THAP1: variants seen among roughly 807,000 people sequenced by gnomAD.
The protein encoded by THAP1 is THAP domain containing 1.
In THAP1, 6 loss-of-function variants were observed where a neutral mutation model predicts 18.2. That is an observed-to-expected ratio of 0.33 (90% CI 0.18 to 0.65). THAP1 has a LOEUF of 0.65. Ranked by LOEUF, THAP1 falls within the 30% of genes least tolerant of loss-of-function variation. THAP1 has a pLI of 0.74. For missense variants in THAP1, 176 were observed against 253.0 expected, an observed-to-expected ratio of 0.70 and a Z score of 2.06; for synonymous variants, 85 against 90.5, an observed-to-expected ratio of 0.94 and a Z score of 0.34.
intron 1 of THAP1, 88 bp from the exon 2 acceptor site, chr8:42,839,469 A>G (rs1802676482): frequency 1.6e-6 from 2 of 1,283,466 alleles, no homozygotes; most frequent in South Asian, 1.2e-5. Flanking sequence ...AATATCTTAC[A>G]TTGGTATTAA....
At chr8:42,839,909 A>G (rs1319820765) in intron 1 of THAP1, among the ~76,000 whole-genome samples, 2 of 152,178 alleles carry the variant, frequency 1.3e-5, no homozygotes, top group Admixed American at 1.3e-4. Context: ...AATACATACT[A>G]TAGAGTAAAT....
At position 42,843,299 on chromosome 8, in the gene THAP1, C is replaced by T. The variant is rs1377623394; in HGVS notation, c.-205G>A. On this transcript the variant is annotated 5_prime_UTR_variant, in exon 1 of 3. An upstream start codon of the reference 5' UTR is lost. Transcript: ENST00000254250. The stretch of plus-strand genomic sequence containing the variant: ...AGGACCACAGCCATCGCCCGTCTCC[C>T]ATCTCCAAGATGGCGGAGGCAGCTT... The T allele has an allele frequency of 7.8e-6, 5 of 639,242 alleles. No individual in the cohort carries two copies. The highest frequency in any genetic ancestry group is 1.1e-5 in the Non-Finnish European group (4 of 354,588). The allele number at this position is 639,242 out of a possible 1,614,324, so 39.6% of individuals were successfully genotyped here. A position where few individuals can be genotyped will look rare whatever the true frequency, so the allele number is the denominator to read the frequency against.
In THAP1 at chr8:42,837,411, TTTC is replaced by T. The variant is rs944500618; in HGVS notation, c.*548_*550del. ...CTGCTGTGATGATAATCAAATCTTT[TTTC>T]TTAAGTACTGACTTGCCAATTTATC... On this transcript the variant is annotated 3_prime_UTR_variant, in exon 3 of 3. Transcript: ENST00000254250. 47 of 152,378 alleles carry T rather than the reference TTTC, an allele frequency of 3.1e-4. No individual in the cohort carries two copies. The highest frequency in any genetic ancestry group is 9.4e-4 in the African/African-American group (39 of 41,586). 9.4% of individuals were successfully genotyped at this position (152,378 alleles called of 1,614,324 possible). A position where few individuals can be genotyped will look rare whatever the true frequency, so the allele number is the denominator to read the frequency against.
chr8:42,840,509 G>C (rs1802697027), intron 1 of THAP1, among the ~76,000 whole-genome samples: 2 of 152,184 alleles, frequency 1.3e-5, no homozygotes, highest in Admixed American at 6.5e-5. Flanking sequence ...AAGAAAAAGG[G>C]AAGGGAATTT....
intron 1 of THAP1, among the ~76,000 whole-genome samples, chr8:42,840,228 C>T (rs1301432683): frequency 1.3e-5 from 2 of 152,112 alleles, no homozygotes; most frequent in Non-Finnish European, 2.9e-5. Flanking sequence ...ATATTTTTTA[C>T]CAGTAATTTT....
chr8:42,841,327 A>C (rs935857827), intron 1 of THAP1, among the ~76,000 whole-genome samples: 6 of 109,296 alleles, frequency 5.5e-5, no homozygotes, highest in African/African-American at 2.2e-4. Flanking sequence ...TTTGAGATGG[A>C]GTCTCACTCT....
chr8:42,840,198 G>A (rs1802691662), intron 1 of THAP1, among the ~76,000 whole-genome samples: 1 of 151,828 alleles, frequency 6.6e-6, no homozygotes, highest in Non-Finnish European at 1.5e-5. Context: ...GTCTCAAAAA[G>A]AAAAAAATAA....
Position 42,837,977 on chromosome 8 carries a change from A to G in THAP1, c.627T>C (p.Val209=). 6.2e-7 allele frequency: 1 copy of G among 1,613,490 alleles called. No individual in the cohort carries two copies. Among genetic ancestry groups the G allele is most frequent in the Non-Finnish European group, 8.5e-7 (1 of 1,180,024 alleles). The change falls in exon 3 of 3, where the codon GTT becomes GTC. Residue 209 remains valine, a synonymous_variant. Coordinates refer to ENST00000254250, the MANE Select transcript of THAP1 (RefSeq NM_018105.3). ...VILPNDYFEI[V]EVPA ...TTTCATTTTTTTATGCTGGTACTTC[A>G]ACTATTTCAAAGTAGTCATTTGGTA...
At position 42,838,031 on chromosome 8, in the gene THAP1, G is replaced by A. The variant is rs758882685; in HGVS notation, c.573C>T (p.Asp191=). The A allele has an allele frequency of 1.2e-5, 19 of 1,613,574 alleles. No individual in the cohort carries two copies. The highest frequency in any genetic ancestry group is 4.0e-5 in the African/African-American group (3 of 74,826). ...TCACATAACCTCTTTCTGATACGTC[G>A]TCTTTCTCTTTCTGGAAGTGAACAA... The part of the protein sequence containing the change: ...KEVVHFQKEK[D]DVSERGYVIL... The change falls in exon 3 of 3, where the codon GAC becomes GAT. Residue 191 remains aspartate (D), a synonymous_variant. Transcript: ENST00000254250.
rs1802619382 is a variant in THAP1 at position 42,836,685 on chromosome 8, C to T, written c.*1277G>A. ...AAAGACACTTTGAATGCCATTGTTTCACACCTTTAATACTGTCTTAAAGGT... is the reference window on the plus strand; with the variant it reads ...AAAGACACTTTGAATGCCATTGTTTTACACCTTTAATACTGTCTTAAAGGT... On this transcript the variant is annotated 3_prime_UTR_variant, in exon 3 of 3. Coordinates refer to ENST00000254250, the MANE Select transcript of THAP1 (RefSeq NM_018105.3). The T allele has an allele frequency of 6.6e-6, 1 of 152,628 alleles. No homozygotes were observed. The highest frequency in any genetic ancestry group is 1.9e-4 in the East Asian group (1 of 5,204). The allele number at this position is 152,628 out of a possible 1,614,324, so 9.5% of individuals were successfully genotyped here. A position where few individuals can be genotyped will look rare whatever the true frequency, so the allele number is the denominator to read the frequency against.
chr8:42,840,404 A>C (rs184483796), intron 1 of THAP1, among the ~76,000 whole-genome samples: 32 of 152,338 alleles, frequency 2.1e-4, no homozygotes, highest in Admixed American at 2.1e-3. Context: ...TGGGATGTCC[A>C]TTAGGCCCAG....
chr8:42,839,766 C>T (rs938568874), intron 1 of THAP1, among the ~76,000 whole-genome samples: 3 of 152,152 alleles, frequency 2.0e-5, no homozygotes, highest in African/African-American at 7.2e-5. Flanking sequence ...AGGATGGATT[C>T]GATTTCTTGA....
chr8:42,839,667 C>A (rs1336915433), intron 1 of THAP1, among the ~76,000 whole-genome samples: 1 of 152,190 alleles, frequency 6.6e-6, no homozygotes, highest in Non-Finnish European at 1.5e-5. Flanking sequence ...CCTGCCTCAG[C>A]CTCCCAAGTA....
chr8:42,842,863 G>C (rs1247263831), intron 1 of THAP1, 161 bp downstream of exon 1: 6 of 399,024 alleles, frequency 1.5e-5, no homozygotes, highest in South Asian at 1.1e-4. Context: ...GCGATCGGGC[G>C]GCGGTTCCCA....
In THAP1 at chr8:42,843,215, T is replaced by C; in HGVS notation, c.-121A>G. The C allele has an allele frequency of 8.2e-7, 1 of 1,222,432 alleles. No homozygotes were observed. The highest frequency in any genetic ancestry group is 1.2e-5 in the South Asian group (1 of 82,464). The allele number at this position is 1,222,432 out of a possible 1,614,324, so 75.7% of individuals were successfully genotyped here. A position where few individuals can be genotyped will look rare whatever the true frequency, so the allele number is the denominator to read the frequency against. ...TTGTAGCTTTGGCCAACAGTTACAG[T>C]GATGGTGGCCTCCCTCGGGGGTGAC... On this transcript the variant is annotated 5_prime_UTR_variant, in exon 1 of 3. Coordinates refer to ENST00000254250, the MANE Select transcript of THAP1 (RefSeq NM_018105.3).
At chr8:42,842,847 G>A in intron 1 of THAP1, 177 bp downstream of exon 1, 1 of 310,330 alleles carries the variant, frequency 3.2e-6, no homozygotes, top group Non-Finnish European at 5.1e-6. Flanking sequence ...CGCGCGCCGA[G>A]AACGCGCGAT....
Position 42,843,236 on chromosome 8 carries a change from G to T in THAP1, c.-142C>A. 1.1e-6 allele frequency: 1 copy of T among 936,290 alleles called. No homozygotes were observed. The highest frequency in any genetic ancestry group is 1.7e-6 in the Non-Finnish European group (1 of 586,300). The allele number at this position is 936,290 out of a possible 1,614,324, so 58.0% of individuals were successfully genotyped here. On this transcript the variant is annotated 5_prime_UTR_variant, in exon 1 of 3. Transcript: ENST00000254250. ...ACAGTGATGGTGGCCTCCCTCGGGG[G>T]TGACTAGTGTGCCCGTTTTGTTGTT...
Position 42,843,104 on chromosome 8 carries a change from C to T in THAP1, c.-10G>A, listed in dbSNP as rs1563646212. 1 of 1,613,642 alleles carries T rather than the reference C, an allele frequency of 6.2e-7. No individual in the cohort carries two copies. Among genetic ancestry groups the T allele is most frequent in the East Asian group, 2.2e-5 (1 of 44,870 alleles). Reference sequence around the variant, plus strand: ...AGCAGGACTGCACCATCCTTCCGGTCCTCAGGCACTTCACTTCTGCCGCCG... The same window carrying T: ...AGCAGGACTGCACCATCCTTCCGGTTCTCAGGCACTTCACTTCTGCCGCCG... On this transcript the variant is annotated 5_prime_UTR_variant, in exon 1 of 3. Coordinates refer to ENST00000254250, the MANE Select transcript of THAP1 (RefSeq NM_018105.3).
chr8:42,842,479 C>T (rs1802737896), intron 1 of THAP1: 1 of 152,152 alleles, frequency 6.6e-6, no homozygotes, highest in Non-Finnish European at 1.5e-5. Context: ...CGATTTATCT[C>T]GGCAGTACCT....
Sources: allele counts gnomAD v4.1 joint callset (sites outside exome capture counted in the v4.1 genomes callset), GRCh38; gene constraint gnomAD v4.1.1; transcripts MANE v1.5; gene names NCBI Gene and HGNC (gene_info 2026-07-23, HGNC 2026-07-21).